IL1RAP: variants seen among roughly 807,000 people sequenced by gnomAD.
IL1RAP encodes the protein interleukin-1 receptor accessory protein.
A neutral mutation model predicts 60.7 loss-of-function variants in IL1RAP; 35 were observed. The observed-to-expected ratio is 0.58, with a 90% confidence interval of 0.44 to 0.76. The LOEUF is 0.76. IL1RAP is among the 30% of genes least tolerant of loss of function. The pLI is 0.00. For missense variants in IL1RAP, 572 were observed against 693.9 expected (o/e 0.82, Z 1.97); for synonymous variants, 268 against 250.9 (o/e 1.07, Z -0.64).
At chr3:190,634,452 G>A (rs1010635241) in intron 9 of IL1RAP, among the ~76,000 whole-genome samples, 9 of 150,746 alleles carry the variant, frequency 6.0e-5, no homozygotes, top group African/African-American at 1.2e-4. Context: ...CCATACCAGC[G>A]AATTTTTTTT....
chr3:190,624,917 G>GT (rs1242858492), intron 7 of IL1RAP: 1 of 169,624 alleles, frequency 5.9e-6, no homozygotes, highest in African/African-American at 2.4e-5. Context: ...CATGCACGCA[G>GT]TTGCCAGGCG....
intron 5 of IL1RAP, among the ~76,000 whole-genome samples, chr3:190,609,689 C>T (rs1191923072): frequency 6.6e-6 from 1 of 152,176 alleles, no homozygotes; most frequent in African/African-American, 2.4e-5. Flanking sequence ...GTAGCAGCAG[C>T]ATAGCTTTTG....
At chr3:190,633,632 A>T (rs560754726) in intron 9 of IL1RAP, among the ~76,000 whole-genome samples, 2 of 152,280 alleles carry the variant, frequency 1.3e-5, no homozygotes, top group South Asian at 4.1e-4. Flanking sequence ...AAGTGCTGGG[A>T]TTATAGTCGT....
chr3:190,609,280 A>C, intron 5 of IL1RAP, 99 bp downstream of exon 5: 3 of 784,486 alleles, frequency 3.8e-6, no homozygotes, highest in Non-Finnish European at 6.0e-6. Context: ...GTTTCTCTTC[A>C]GATTATCTGA....
chr3:190,541,807 A>G (rs988485961), intron 1 of IL1RAP, among the ~76,000 whole-genome samples: 1 of 152,108 alleles, frequency 6.6e-6, no homozygotes, highest in African/African-American at 2.4e-5. Flanking sequence ...GGCAACAACC[A>G]TCATTATCAC....
chr3:190,651,505 C>A lies in IL1RAP; in HGVS notation c.*2800C>A. On this transcript the variant is annotated 3_prime_UTR_variant, in exon 12 of 12. Transcript: ENST00000447382. ...ATGTTAAAAATAAACCATTTATTTT[C>A]AGCTTTGAATTTTATTTTGTGCATG... 1 of 438,434 alleles carries A rather than the reference C, an allele frequency of 2.3e-6. No homozygotes were observed. Among genetic ancestry groups the A allele is most frequent in the Non-Finnish European group, 3.0e-6 (1 of 330,678 alleles). The allele number at this position is 438,434 out of a possible 1,614,324, so 27.2% of individuals were successfully genotyped here.
intron 4 of IL1RAP, among the ~76,000 whole-genome samples, chr3:190,605,706 CCTTGT>C (rs1730267989): frequency 6.6e-6 from 1 of 152,132 alleles, no homozygotes; most frequent in Non-Finnish European, 1.5e-5. Flanking sequence ...CATCTTCTCT[CCTTGT>C]CTTTACATGG....
chr3:190,517,575 G>C (rs1451079592), intron 1 of IL1RAP, among the ~76,000 whole-genome samples: 1 of 152,224 alleles, frequency 6.6e-6, no homozygotes, highest in African/African-American at 2.4e-5. Flanking sequence ...GGCCCAGGCA[G>C]TGGGGCTGTT....
rs1053704807 is a variant in IL1RAP at position 190,569,123 on chromosome 3, A to C, written c.64+4770A>C. On this transcript the variant is annotated intron_variant, in intron 3 of 11. Coordinates refer to ENST00000447382, the MANE Select transcript of IL1RAP (RefSeq NM_002182.4). The stretch of plus-strand genomic sequence containing the variant: ...CAAAGGCATTTAGAAGCCAAGCTGG[A>C]AAGGTAGGTTGGGAACAAATTATGC... 2.0e-5 allele frequency among the ~76,000 whole-genome samples: 3 copies of C among 152,368 alleles called. No individual in the cohort carries two copies. The South Asian group carries it at 6.2e-4, about 32-fold the overall frequency.
At chr3:190,544,973 A>T (rs1724245157) in intron 1 of IL1RAP, among the ~76,000 whole-genome samples, 1 of 152,226 alleles carries the variant, frequency 6.6e-6, no homozygotes, top group Non-Finnish European at 1.5e-5. Flanking sequence ...AGGGTCTAAG[A>T]TAATTTAAGA....
intron 8 of IL1RAP, among the ~76,000 whole-genome samples, chr3:190,628,846 A>C (rs1024582546): frequency 6.6e-6 from 1 of 152,224 alleles, no homozygotes; most frequent in African/African-American, 2.4e-5. Context: ...GCCTTAGCAT[A>C]TTCAGTCCTC....
chr3:190,656,309 C>T (rs1012093473), downstream of IL1RAP: 1 of 1,537,266 alleles, frequency 6.5e-7, no homozygotes, highest in Non-Finnish European at 8.7e-7. Flanking sequence ...TCAGAGAGGG[C>T]TGCAGGTAGC....
chr3:190,622,479 T>C (rs1731862526), intron 6 of IL1RAP, among the ~76,000 whole-genome samples: 1 of 152,064 alleles, frequency 6.6e-6, no homozygotes, highest in Non-Finnish European at 1.5e-5. Context: ...CACCCCCTAC[T>C]TTAGATTCCA....
intron 3 of IL1RAP, among the ~76,000 whole-genome samples, chr3:190,601,527 T>G (rs1200754580): frequency 6.6e-6 from 1 of 152,230 alleles, no homozygotes; most frequent in Admixed American, 6.5e-5. Context: ...CCCCGAGCTT[T>G]ATTACTTACC....
At chr3:190,637,284 A>G (rs180940930) in intron 9 of IL1RAP, among the ~76,000 whole-genome samples, 1 of 152,176 alleles carries the variant, frequency 6.6e-6, no homozygotes, top group Non-Finnish European at 1.5e-5. Context: ...TTTCTGGTAC[A>G]TCTGCTGGTG....
At chr3:190,605,925 A>G in intron 4 of IL1RAP, among the ~76,000 whole-genome samples, 1 of 152,334 alleles carries the variant, frequency 6.6e-6, no homozygotes, top group South Asian at 2.1e-4. Flanking sequence ...AGTCCATAAC[A>G]ATAAATAATC....
chr3:190,543,838 A>C (rs959215287), intron 1 of IL1RAP, among the ~76,000 whole-genome samples: 3 of 152,196 alleles, frequency 2.0e-5, no homozygotes, highest in East Asian at 3.9e-4. Context: ...ACATCAGGGA[A>C]GTAGCACTAG....
At position 190,650,090 on chromosome 3, in the gene IL1RAP, G is replaced by A. The variant is rs1217436498; in HGVS notation, c.*1385G>A. On this transcript the variant is annotated 3_prime_UTR_variant, in exon 12 of 12. Transcript: ENST00000447382. ...ATATATATATATAATTTGTGTGTGT[G>A]TATGTGTATGTATATGACTTTAAAT... 1.2e-5 allele frequency: 10 copies of A among 805,664 alleles called. No homozygotes were observed. The highest frequency in any genetic ancestry group is 6.3e-5 in the Admixed American group (1 of 15,990). The allele number at this position is 805,664 out of a possible 1,614,324, so 49.9% of individuals were successfully genotyped here. A position where few individuals can be genotyped will look rare whatever the true frequency, so the allele number is the denominator to read the frequency against.
chr3:190,620,079 C>T (rs947258393), intron 5 of IL1RAP, among the ~76,000 whole-genome samples, 196 bp from the exon 6 acceptor site: 3 of 152,076 alleles, frequency 2.0e-5, no homozygotes, highest in Non-Finnish European at 4.4e-5. Context: ...TTCTCATGAT[C>T]AGAAAAGATA....
Sources: allele counts gnomAD v4.1 joint callset (sites outside exome capture counted in the v4.1 genomes callset), GRCh38; gene constraint gnomAD v4.1.1; transcripts MANE v1.5; gene names NCBI Gene and HGNC (gene_info 2026-07-23, HGNC 2026-07-21).